Variants in LRP1B observed in about 807,000 individuals in gnomAD.
LRP1B encodes the protein low-density lipoprotein receptor-related protein 1B.
LRP1B carries 217 observed loss-of-function variants against 556.6 expected under a neutral mutation model. The observed-to-expected ratio is 0.39, with a 90% CI of 0.35 to 0.44. The LOEUF is 0.44. Among genes scored for constraint, LRP1B ranks in the 20% least tolerant of loss-of-function variants. The pLI is 1.00. For synonymous variants in LRP1B, 2,047 were observed against 1,865.8 expected (o/e 1.10, Z -2.50); for missense variants, 5,053 against 5,620.8 (o/e 0.90, Z 3.23).
intron 17 of LRP1B, among the ~76,000 whole-genome samples, chr2:140,988,274 G>T (rs1696986486): frequency 6.6e-6 from 1 of 151,962 alleles, no homozygotes; most frequent in Non-Finnish European, 1.5e-5. Flanking sequence ...GTCTCTGGAG[G>T]TCCTTTTCTC....
chr2:141,385,004 C>T (rs930598503), intron 3 of LRP1B, among the ~76,000 whole-genome samples: 1 of 152,158 alleles, frequency 6.6e-6, no homozygotes, highest in African/African-American at 2.4e-5. Flanking sequence ...CTTTTAAACC[C>T]TTATCCTGTG....
intron 2 of LRP1B, among the ~76,000 whole-genome samples, chr2:141,571,130 C>A (rs187935113): frequency 4.6e-5 from 7 of 150,846 alleles, no homozygotes; most frequent in East Asian, 1.9e-4. Flanking sequence ...GGTTGTCAGA[C>A]ACCCTATACA....
At chr2:141,098,663 C>CTGAT (rs201248914) in intron 7 of LRP1B, among the ~76,000 whole-genome samples, 10,601 of 152,106 alleles carry the variant, frequency 0.07, 394 homozygotes, top group South Asian at 0.11. Flanking sequence ...TGTAGATTGA[C>CTGAT]TGATTGATTT....
At chr2:141,847,662 G>A (rs998262490) in intron 1 of LRP1B, among the ~76,000 whole-genome samples, 4 of 151,574 alleles carry the variant, frequency 2.6e-5, no homozygotes, top group Admixed American at 2.6e-4. Context: ...ACTTGATGTA[G>A]GGATGATATT....
intron 2 of LRP1B, 28 bp downstream of exon 2, chr2:141,810,251 C>T (rs752014100): frequency 1.7e-5 from 28 of 1,608,732 alleles, no homozygotes; most frequent in Admixed American, 1.5e-4. Flanking sequence ...AAGGTAAATC[C>T]GAATGGCATG....
intron 20 of LRP1B, among the ~76,000 whole-genome samples, chr2:140,923,921 T>A (rs1694813641): frequency 6.6e-6 from 1 of 152,000 alleles, no homozygotes; most frequent in South Asian, 2.1e-4. Context: ...GTTTAACAAT[T>A]GAATTACATG....
At chr2:140,964,526 C>T (rs1488197501) in intron 18 of LRP1B, among the ~76,000 whole-genome samples, 1 of 151,788 alleles carries the variant, frequency 6.6e-6, no homozygotes, top group Non-Finnish European at 1.5e-5. Flanking sequence ...GATGTCACCG[C>T]TAGACCAAGG....
intron 2 of LRP1B, among the ~76,000 whole-genome samples, chr2:141,514,070 C>T (rs980389927): frequency 3.9e-5 from 6 of 152,144 alleles, no homozygotes; most frequent in African/African-American, 1.2e-4. Flanking sequence ...TTCTGGATAT[C>T]CACATTATAA....
At chr2:141,412,827 G>T (rs1690903455) in intron 3 of LRP1B, among the ~76,000 whole-genome samples, 3 of 152,020 alleles carry the variant, frequency 2.0e-5, no homozygotes, top group East Asian at 1.9e-4. Context: ...TATAAGATAG[G>T]GTCTGTGGTA....
intron 3 of LRP1B, among the ~76,000 whole-genome samples, chr2:141,433,806 T>A (rs955233104): frequency 6.6e-6 from 1 of 151,952 alleles, no homozygotes; most frequent in Non-Finnish European, 1.5e-5. Flanking sequence ...ATGTTTTCCA[T>A]AAAATTAGGG....
At chr2:140,403,540 G>A (rs2105232862) in intron 66 of LRP1B, among the ~76,000 whole-genome samples, 1 of 152,170 alleles carries the variant, frequency 6.6e-6, no homozygotes, top group South Asian at 2.1e-4. Flanking sequence ...GAGCTTGAAG[G>A]CAAGGCTTTC....
At chr2:141,978,794 A>G (rs1279330978) in intron 1 of LRP1B, among the ~76,000 whole-genome samples, 1 of 152,018 alleles carries the variant, frequency 6.6e-6, no homozygotes, top group Non-Finnish European at 1.5e-5. Context: ...GTCCATTACT[A>G]TAGGTTTGTT....
chr2:141,098,409 A>G (rs1220540252), intron 7 of LRP1B, among the ~76,000 whole-genome samples: 1 of 152,208 alleles, frequency 6.6e-6, no homozygotes, highest in Non-Finnish European at 1.5e-5. Flanking sequence ...TTATTGTATA[A>G]TGTGAAATGT....
chr2:140,499,102 A>G (rs886903871), intron 55 of LRP1B, among the ~76,000 whole-genome samples: 1 of 151,964 alleles, frequency 6.6e-6, no homozygotes, highest in Middle Eastern at 3.4e-3. Flanking sequence ...AAACACTGGC[A>G]TTTATAAAGT....
chr2:140,305,070 A>C (rs1573761892), intron 83 of LRP1B, among the ~76,000 whole-genome samples: 1 of 152,110 alleles, frequency 6.6e-6, no homozygotes, highest in Non-Finnish European at 1.5e-5. Context: ...CTTGTAGTAT[A>C]GTTTGAAGTC....
At chr2:142,050,106 T>C (rs985893023) in intron 1 of LRP1B, among the ~76,000 whole-genome samples, 2 of 152,162 alleles carry the variant, frequency 1.3e-5, no homozygotes, top group Admixed American at 6.6e-5. Flanking sequence ...TCCTGTTAAT[T>C]TTTTCCTGTT....
In LRP1B at chr2:140,868,225, C is replaced by T. The variant is rs370510413; in HGVS notation, c.4208G>A (p.Arg1403His). 54 of 1,579,516 alleles carry T rather than the reference C, an allele frequency of 3.4e-5. No individual in the cohort carries two copies. The highest frequency in any genetic ancestry group is 1.4e-4 in the Admixed American group (8 of 55,874). ...FWTDWDANFP[R>H]IESASMSGAG... is the part of the protein sequence containing the mutation. ...ACCACTCATAGAGGCAGATTCAATGCGAGGAAAATTTGCATCCCAGTCTGT... is the reference window on the plus strand; with the variant it reads ...ACCACTCATAGAGGCAGATTCAATGTGAGGAAAATTTGCATCCCAGTCTGT... Residue 1403 changes from arginine to histidine, a missense_variant, in exon 26 of 91, where the codon CGC becomes CAC. Around this residue, in one of 5 missense-constraint regions of LRP1B, gnomAD observed 3,619 missense variants for 3,931.9 expected, o/e 0.92. Coordinates refer to ENST00000389484, the MANE Select transcript of LRP1B (RefSeq NM_018557.3).
chr2:140,564,925 G>A (rs1325633641), intron 43 of LRP1B, among the ~76,000 whole-genome samples: 1 of 151,966 alleles, frequency 6.6e-6, no homozygotes, highest in African/African-American at 2.4e-5. Flanking sequence ...TTGATATCCT[G>A]AAAGATCTAC....
intron 3 of LRP1B, among the ~76,000 whole-genome samples, chr2:141,258,821 T>G (rs1343261726): frequency 6.6e-6 from 1 of 152,180 alleles, no homozygotes; most frequent in East Asian, 1.9e-4. Context: ...CGTGCCTCCT[T>G]TCTTTTTGGC....
Sources: gnomAD v4.1 joint callset for allele counts (sites outside exome capture counted in the v4.1 genomes callset) on GRCh38, gnomAD v4.1.1 for gene constraint, gnomAD v4.1.1 regional missense constraint, MANE v1.5 for transcripts, NCBI Gene and HGNC (gene_info 2026-07-23, HGNC 2026-07-21) for gene names.